Variants in GRHL3 observed in about 807,000 individuals in gnomAD.
GRHL3 encodes grainyhead like transcription factor 3.
Under a neutral mutation model 70.3 loss-of-function variants are expected in GRHL3, and 20 were observed. The ratio of observed to expected loss-of-function variants is 0.28; its 90% confidence interval spans 0.20 to 0.41. The LOEUF (loss-of-function observed/expected upper bound fraction) is 0.41, where lower values mean the gene tolerates loss of function less well. Ranked by LOEUF, GRHL3 falls within the 10% of genes least tolerant of loss-of-function variation. The pLI, the probability that GRHL3 is intolerant of heterozygous loss-of-function variation, is 1.00. For synonymous variants in GRHL3, 299 were observed against 299.9 expected (o/e 1.00, Z 0.03); for missense variants, 637 against 762.3 (o/e 0.84, Z 1.94).
At chr1:24,348,625 C>T (rs1009448286) in intron 14 of GRHL3, among the ~76,000 whole-genome samples, 3 of 152,212 alleles carry the variant, frequency 2.0e-5, no homozygotes, top group African/African-American at 7.2e-5. Flanking sequence ...CCACTTTTGA[C>T]CCGTGTACCT....
intron 1 of GRHL3, among the ~76,000 whole-genome samples, chr1:24,324,041 G>A (rs1374463870): frequency 6.6e-5 from 10 of 152,152 alleles, no homozygotes; most frequent in African/African-American, 2.4e-4. Flanking sequence ...TTTGTTGAGT[G>A]AATCAGTGAG....
At chr1:24,364,248 C>T (rs1457164864) in exon 16 of GRHL3, 1 of 1,548,620 alleles carries the variant, frequency 6.5e-7, no homozygotes, top group Admixed American at 2.0e-5. Context: ...TTGAATGTTC[C>T]CATCCTGTGA....
chr1:24,364,350 C>T (rs1189846276), exon 16 of GRHL3: 6 of 1,546,168 alleles, frequency 3.9e-6, no homozygotes, highest in Admixed American at 2.0e-5. Flanking sequence ...ACAGCCTGCA[C>T]TTCACTGTAA....
Position 24,354,648 on chromosome 1 carries a change from G to T in GRHL3, c.*160G>T. The T allele has an allele frequency of 1.7e-6, 1 of 582,056 alleles. No homozygotes were observed. The highest frequency in any genetic ancestry group is 3.1e-6 in the Non-Finnish European group (1 of 324,194). The allele number at this position is 582,056 out of a possible 1,614,324, so 36.1% of individuals were successfully genotyped here. A position where few individuals can be genotyped will look rare whatever the true frequency, so the allele number is the denominator to read the frequency against. On this transcript the variant is annotated 3_prime_UTR_variant, in exon 16 of 16. Transcript: ENST00000361548. The stretch of plus-strand genomic sequence containing the variant: ...ACAGACCCACAGACGTCAGGGCCAG[G>T]GAGAGACCTAGGGGGTCCCCTGGCC...
Position 24,322,015 on chromosome 1 carries a change from T to G in GRHL3, c.17+2447T>G, listed in dbSNP as rs1166131643. 1 of 151,690 alleles carries G rather than the reference T, an allele frequency of 6.6e-6. No individual in the cohort carries two copies. Among genetic ancestry groups the G allele is most frequent in the South Asian group, 2.1e-4 (1 of 4,804 alleles). The allele number at this position is 151,690 out of a possible 1,614,324, so 9.4% of individuals were successfully genotyped here. A position where few individuals can be genotyped will look rare whatever the true frequency, so the allele number is the denominator to read the frequency against. On this transcript the variant is annotated intron_variant, in intron 1 of 15. Coordinates refer to ENST00000361548, the MANE Select transcript of GRHL3 (RefSeq NM_198173.3). This position sits in a 1 kb window ranked among gnomAD's most constrained non-coding sequence, Gnocchi z 4.4. ...CGCCCGCGAGCTGCCCAGCGTCGGGTTTTCCTGAAGGTGCGTCGGGGCCCC... is the reference window on the plus strand; with the variant it reads ...CGCCCGCGAGCTGCCCAGCGTCGGGGTTTCCTGAAGGTGCGTCGGGGCCCC...
Position 24,334,583 on chromosome 1 carries a change from G to T in GRHL3, c.205-62G>T, listed in dbSNP as rs1392626245. 2.2e-6 allele frequency: 3 copies of T among 1,388,768 alleles called. No individual in the cohort carries two copies. Among genetic ancestry groups the T allele is most frequent in the Non-Finnish European group, 3.1e-6 (3 of 981,094 alleles). The allele number at this position is 1,388,768 out of a possible 1,614,324, so 86.0% of individuals were successfully genotyped here. A position where few individuals can be genotyped will look rare whatever the true frequency, so the allele number is the denominator to read the frequency against. ...CTGCCTGGCCAAAGCTGCAGGAGGGGATTGAGGCTCCTACCAGCAGAAGCT... is the reference window on the plus strand; with the variant it reads ...CTGCCTGGCCAAAGCTGCAGGAGGGTATTGAGGCTCCTACCAGCAGAAGCT... On this transcript the variant is annotated intron_variant, in intron 2 of 15. Coordinates refer to ENST00000361548, the MANE Select transcript of GRHL3 (RefSeq NM_198173.3). The surrounding 1 kb of genome is among the most constrained non-coding windows in gnomAD (Gnocchi z 4.3).
intron 7 of GRHL3, among the ~76,000 whole-genome samples, chr1:24,339,130 C>G (rs1279811494): frequency 6.6e-6 from 1 of 152,196 alleles, no homozygotes; most frequent in Non-Finnish European, 1.5e-5. Flanking sequence ...TTGGGATTCC[C>G]TCTGGGGCTT....
chr1:24,324,095 T>G (rs1253216812), intron 1 of GRHL3, among the ~76,000 whole-genome samples: 1 of 152,160 alleles, frequency 6.6e-6, no homozygotes, highest in African/African-American at 2.4e-5. Context: ...TACAGGTGGA[T>G]TTCAACTTCT....
chr1:24,346,949 G>A (rs1288507495), intron 13 of GRHL3, among the ~76,000 whole-genome samples: 1 of 152,108 alleles, frequency 6.6e-6, no homozygotes, highest in Non-Finnish European at 1.5e-5. Flanking sequence ...ATGGGGAGTG[G>A]GAGAAGGGTG....
rs1331214651 is a variant in GRHL3, at chr1:24,342,966, A to G, written c.1360A>G (p.Thr454Ala). ...TYLRPETDLETPPVLFIPNVH... is the reference protein window; with the variant it reads ...TYLRPETDLEAPPVLFIPNVH... ...CCTTCGGCCAGAGACTGACCTGGAGACGCCACCCGTGCTGTTCATCCCCAA... is the reference window on the plus strand; with the variant it reads ...CCTTCGGCCAGAGACTGACCTGGAGGCGCCACCCGTGCTGTTCATCCCCAA... The change falls in exon 11 of 16, where the codon ACG becomes GCG. Residue 454 changes from threonine to alanine, a missense_variant. Physicochemically the swap from Thr to Ala is moderately conservative, Grantham distance 58 (BLOSUM62 0). This residue lies in a region of GRHL3 where 387 missense variants were observed against 513.8 expected (regional missense o/e 0.75). Coordinates refer to ENST00000361548, the MANE Select transcript of GRHL3 (RefSeq NM_198173.3). This position sits in a 1 kb window ranked among gnomAD's most constrained non-coding sequence, Gnocchi z 4.8. 6.2e-7 allele frequency: 1 copy of G among 1,613,866 alleles called. No individual in the cohort carries two copies. The highest frequency in any genetic ancestry group is 1.1e-5 in the South Asian group (1 of 91,062).
At chr1:24,319,687 A>C (rs1639106550) in intron 1 of GRHL3, 119 bp downstream of exon 1, 6 of 1,602,664 alleles carry the variant, frequency 3.7e-6, no homozygotes, top group Non-Finnish European at 5.1e-6. Context: ...TGTAAGGGTA[A>C]ATGAATGGGC....
intron 15 of GRHL3, among the ~76,000 whole-genome samples, chr1:24,362,880 G>A (rs1229330233): frequency 6.6e-6 from 1 of 152,220 alleles, no homozygotes; most frequent in Non-Finnish European, 1.5e-5. Flanking sequence ...CTCCCTGTTT[G>A]CTATGAATCT....
intron 1 of GRHL3, among the ~76,000 whole-genome samples, chr1:24,324,530 G>A (rs1179099347): frequency 1.3e-5 from 2 of 152,174 alleles, no homozygotes; most frequent in Admixed American, 6.5e-5. Context: ...TATGCTGATC[G>A]CTTTACCTGC....
intron 1 of GRHL3, among the ~76,000 whole-genome samples, chr1:24,329,511 T>G (rs12059221): frequency 0.13 from 19,549 of 152,288 alleles, 1,488 homozygotes; most frequent in Non-Finnish European, 0.17. Flanking sequence ...TGTGCCTTTG[T>G]GCTCGATAAG....
At chr1:24,329,907 G>T (rs1639538647) in intron 1 of GRHL3, among the ~76,000 whole-genome samples, 1 of 152,138 alleles carries the variant, frequency 6.6e-6, no homozygotes, top group African/African-American at 2.4e-5. Context: ...GCCTTTGTTT[G>T]TGGTTAAGAG....
chr1:24,345,813 G>T (rs184791408), intron 12 of GRHL3, among the ~76,000 whole-genome samples: 1 of 152,212 alleles, frequency 6.6e-6, no homozygotes, highest in Non-Finnish European at 1.5e-5. Flanking sequence ...AAACAGCCTC[G>T]AGAGGGTGAG....
In GRHL3 at chr1:24,338,097, G is replaced by T; in HGVS notation, c.946G>T (p.Asp316Tyr). Residue 316 changes from aspartate to tyrosine, a missense_variant, in exon 7 of 16, where the codon GAC becomes TAC. Physicochemically the swap from Asp to Tyr is radical, Grantham distance 160. Transcript: ENST00000361548. ...ACCCACTGCCAAGCAGCGGGTCATTGACGTGGGTGAGAGCCTTCTCAAGCC... is the reference window on the plus strand; with the variant it reads ...ACCCACTGCCAAGCAGCGGGTCATTTACGTGGGTGAGAGCCTTCTCAAGCC... ...RQPTAKQRVI[D>Y]VADCKENFNT... is the part of the protein sequence containing the mutation. 1 of 1,604,492 alleles carries T rather than the reference G, an allele frequency of 6.2e-7. No homozygotes were observed. Among genetic ancestry groups the T allele is most frequent in the Non-Finnish European group, 8.5e-7 (1 of 1,174,748 alleles).
rs112832745 is a variant in GRHL3, at chr1:24,347,570, C to A, written c.1629+17C>A. On this transcript the variant is annotated intron_variant, in intron 14 of 15. Transcript: ENST00000361548. The stretch of plus-strand genomic sequence containing the variant: ...AGGAATGCGGTAAGCTGCCTGTGGA[C>A]CCCGCCCCCCATGGCAGACCCCCTC... 5.0e-6 allele frequency: 8 copies of A among 1,594,470 alleles called. No individual in the cohort carries two copies. Among genetic ancestry groups the A allele is most frequent in the Non-Finnish European group, 6.9e-6 (8 of 1,162,294 alleles).
At chr1:24,362,073 C>T (rs1641158314) in intron 15 of GRHL3, among the ~76,000 whole-genome samples, 3 of 152,234 alleles carry the variant, frequency 2.0e-5, no homozygotes, top group African/African-American at 4.8e-5. Context: ...GTTCTCCGCA[C>T]TGAATGGCCA....
Sources: gnomAD v4.1 joint callset for allele counts (sites outside exome capture counted in the v4.1 genomes callset) on GRCh38, gnomAD v4.1.1 for gene constraint, gnomAD v4.1.1 regional missense constraint, Gnocchi (gnomAD v3.1) non-coding constraint, MANE v1.5 for transcripts, NCBI Gene and HGNC (gene_info 2026-07-23, HGNC 2026-07-21) for gene names.